ARID1B: variants seen among roughly 807,000 people sequenced by gnomAD.
ARID1B encodes AT-rich interactive domain-containing protein 1B.
In ARID1B, 30 loss-of-function variants were observed where a neutral mutation model predicts 212.3. That is an observed-to-expected ratio of 0.14 (90% CI 0.11 to 0.19). The LOEUF (loss-of-function observed/expected upper bound fraction) is 0.19, where lower values mean the gene tolerates loss of function less well. Ranked by LOEUF, ARID1B falls within the 10% of genes least tolerant of loss-of-function variation. The probability of loss-of-function intolerance (pLI) is 1.00; values close to 1 mark genes in which losing one functional copy is unlikely to be tolerated. For missense variants in ARID1B, 2,891 were observed against 3,204.0 expected (o/e 0.90, Z 2.36); for synonymous variants, 1,402 against 1,301.7 (o/e 1.08, Z -1.66).
intron 2 of ARID1B, among the ~76,000 whole-genome samples, chr6:156,851,810 C>G (rs1784597654): frequency 6.6e-6 from 1 of 152,198 alleles, no homozygotes; most frequent in Non-Finnish European, 1.5e-5. Context: ...GCTGATTTGG[C>G]TTTTTAAAAG....
intron 8 of ARID1B, among the ~76,000 whole-genome samples, chr6:157,157,497 G>GA (rs1246463676): frequency 6.6e-6 from 1 of 152,186 alleles, no homozygotes; most frequent in Non-Finnish European, 1.5e-5. Context: ...CCTGAAATCT[G>GA]ATAACCTCAA....
At chr6:157,056,279 T>C (rs1782949112) in intron 4 of ARID1B, among the ~76,000 whole-genome samples, 1 of 152,030 alleles carries the variant, frequency 6.6e-6, no homozygotes, top group South Asian at 2.1e-4. Context: ...TACAAAGGTC[T>C]TTTTTTTACA....
At chr6:156,993,626 T>C (rs1241693161) in intron 4 of ARID1B, among the ~76,000 whole-genome samples, 7 of 152,210 alleles carry the variant, frequency 4.6e-5, no homozygotes, top group Admixed American at 4.6e-4. Flanking sequence ...TGAAGTTATA[T>C]ACCTAAGGAT....
intron 2 of ARID1B, among the ~76,000 whole-genome samples, chr6:156,836,519 T>TA (rs922095813): frequency 6.6e-6 from 1 of 152,234 alleles, no homozygotes; most frequent in African/African-American, 2.4e-5. Context: ...CCTTGCCTGT[T>TA]AAAGTCTAAT....
Position 156,901,462 on chromosome 6 carries a change from G to T in ARID1B, c.2073G>T (p.Pro691=). ...ATTACAGCCAGCAGCCGCAGCCCCC[G>T]CACCTCCCACCCCAGGCGCAGTATC... ...QPYYSQQPQP[P]HLPPQAQYLP... The change falls in exon 3 of 20, where the codon CCG becomes CCT. Residue 691 remains proline, a synonymous_variant. Coordinates refer to ENST00000636930, the MANE Select transcript of ARID1B (RefSeq NM_001374828.1). 1 of 1,613,986 alleles carries T rather than the reference G, an allele frequency of 6.2e-7. No individual in the cohort carries two copies. Among genetic ancestry groups the T allele is most frequent in the Non-Finnish European group, 8.5e-7 (1 of 1,180,000 alleles).
intron 3 of ARID1B, among the ~76,000 whole-genome samples, chr6:156,929,707 C>T (rs774164742): frequency 1.4e-4 from 22 of 152,188 alleles, no homozygotes; most frequent in Non-Finnish European, 2.9e-4. Flanking sequence ...ACAGTTATCA[C>T]TTATTCCAGA....
intron 3 of ARID1B, among the ~76,000 whole-genome samples, chr6:156,921,468 C>CACAT (rs1170682010): frequency 6.7e-6 from 1 of 149,624 alleles, no homozygotes; most frequent in Non-Finnish European, 1.5e-5. Context: ...CACACACACA[C>CACAT]ACACACACAC....
intron 3 of ARID1B, among the ~76,000 whole-genome samples, chr6:156,928,132 C>G (rs908675514): frequency 6.6e-6 from 1 of 152,206 alleles, no homozygotes; most frequent in African/African-American, 2.4e-5. Flanking sequence ...GCCCCACACC[C>G]TGGGGCCGGC....
intron 4 of ARID1B, among the ~76,000 whole-genome samples, chr6:156,982,280 C>T (rs1777650726): frequency 6.6e-6 from 1 of 152,190 alleles, no homozygotes; most frequent in Admixed American, 6.5e-5. Context: ...CTTCTGACTT[C>T]TGCTATTACT....
chr6:157,138,200 TTTGGTTGGTTGGTTGG>T (rs147835417), intron 7 of ARID1B, among the ~76,000 whole-genome samples: 7 of 149,088 alleles, frequency 4.7e-5, no homozygotes, highest in South Asian at 4.2e-4. Flanking sequence ...AACCTCCATC[TTTGGTTGGTTGGTTGG>T]TTGGTTGGTT....
rs1779002290 is a variant in ARID1B at position 156,779,296 on chromosome 6, AGGCGGCGGCGGCGGG to A, written c.1628_1642del (p.Ala543_Ala547del). 4.6e-6 allele frequency: 5 copies of A among 1,095,956 alleles called. No homozygotes were observed. Among genetic ancestry groups the A allele is most frequent in the Middle Eastern group, 3.9e-4 (1 of 2,550 alleles). The allele number at this position is 1,095,956 out of a possible 1,614,324, so 67.9% of individuals were successfully genotyped here. The stretch of plus-strand genomic sequence containing the variant: ...CCGCCGCCGTCGCAGCCCCAGTCCC[AGGCGGCGGCGGCGGG>A]GGCGGCGGCGGGCGGCCAGCAGGCG... On this transcript the variant is annotated inframe_deletion, in exon 1 of 20. Transcript: ENST00000636930.
intron 4 of ARID1B, among the ~76,000 whole-genome samples, chr6:157,053,823 C>T (rs1782760028): frequency 6.6e-6 from 1 of 152,188 alleles, no homozygotes; most frequent in African/African-American, 2.4e-5. Flanking sequence ...CCTGTAATCC[C>T]AGCACTTTGG....
At chr6:156,975,529 G>A (rs2128357793) in intron 4 of ARID1B, among the ~76,000 whole-genome samples, 1 of 150,500 alleles carries the variant, frequency 6.6e-6, no homozygotes, top group South Asian at 2.1e-4. Context: ...AATCACTTGT[G>A]CTTTTGGTGC....
At chr6:156,954,217 A>G (rs76235865) in intron 4 of ARID1B, among the ~76,000 whole-genome samples, 1 of 150,848 alleles carries the variant, frequency 6.6e-6, no homozygotes, top group Non-Finnish European at 1.5e-5. Flanking sequence ...TTTTTTTTTA[A>G]TGTATGAGTG....
chr6:157,210,413 G>A lies in ARID1B; in HGVS notation c.*2522G>A, dbSNP rs1794698943. 1 of 231,030 alleles carries A rather than the reference G, an allele frequency of 4.3e-6. No homozygotes were observed. The highest frequency in any genetic ancestry group is 6.2e-5 in the East Asian group (1 of 16,244). 14.3% of individuals were successfully genotyped at this position (231,030 alleles called of 1,614,324 possible). A position where few individuals can be genotyped will look rare whatever the true frequency, so the allele number is the denominator to read the frequency against. On this transcript the variant is annotated 3_prime_UTR_variant, in exon 20 of 20. Transcript: ENST00000636930. The stretch of plus-strand genomic sequence containing the variant: ...AGAGTAAAATAATTAACAAAAGACT[G>A]TTGTTATGGTTTGCATTGTAACCGA...
chr6:156,850,090 A>T (rs1448408371), intron 2 of ARID1B, among the ~76,000 whole-genome samples: 1 of 150,402 alleles, frequency 6.6e-6, no homozygotes, highest in Admixed American at 6.7e-5. Context: ...GGGAGAGCAT[A>T]TCTGGCTTGC....
intron 1 of ARID1B, among the ~76,000 whole-genome samples, chr6:156,780,034 G>C (rs1053182134): frequency 2.6e-5 from 4 of 152,170 alleles, no homozygotes; most frequent in Non-Finnish European, 5.9e-5. Context: ...TTCCTACTTA[G>C]GGAGAGCCAT....
At chr6:156,856,780 A>C (rs1162375512) in intron 2 of ARID1B, among the ~76,000 whole-genome samples, 2 of 49,690 alleles carry the variant, frequency 4.0e-5, no homozygotes, top group East Asian at 3.7e-4. Context: ...AAGCCTAGTA[A>C]ATCTCAATGC....
chr6:157,073,018 ACT>A (rs1245490833), intron 4 of ARID1B, among the ~76,000 whole-genome samples: 1 of 152,056 alleles, frequency 6.6e-6, no homozygotes, highest in Non-Finnish European at 1.5e-5. Flanking sequence ...TGTTAATATA[ACT>A]CTTTGCCTAA....
Sources: gnomAD v4.1 joint callset for allele counts (sites outside exome capture counted in the v4.1 genomes callset) on GRCh38, gnomAD v4.1.1 for gene constraint, MANE v1.5 for transcripts, NCBI Gene and HGNC (gene_info 2026-07-23, HGNC 2026-07-21) for gene names.